Variants in COL5A2 observed in about 807,000 individuals in gnomAD.
The protein encoded by COL5A2 is collagen alpha-2(V) chain.
A neutral mutation model predicts 208.2 loss-of-function variants in COL5A2; 23 were observed. The ratio of observed to expected loss-of-function variants is 0.11; its 90% CI spans 0.08 to 0.16. The LOEUF is 0.16. Ranked by LOEUF, COL5A2 falls within the 10% of genes least tolerant of loss-of-function variation. COL5A2 has a pLI of 1.00. For missense variants in COL5A2, 1,590 were observed against 1,956.4 expected, an observed-to-expected ratio of 0.81 and a Z score of 3.53; for synonymous variants, 625 against 628.5, an observed-to-expected ratio of 0.99 and a Z score of 0.08.
At chr2:189,087,509 G>A (rs1686687893) in intron 8 of COL5A2, among the ~76,000 whole-genome samples, 1 of 151,588 alleles carries the variant, frequency 6.6e-6, no homozygotes, top group African/African-American at 2.4e-5. Flanking sequence ...TGTCACCCAG[G>A]CTGGAGTGCA....
chr2:189,351,959 G>A, the COL5A2 span, among the ~76,000 whole-genome samples: 1 of 149,638 alleles, frequency 6.7e-6, no homozygotes, highest in Non-Finnish European at 1.5e-5. Context: ...CCCTCCCCCA[G>A]CTCCCACCCT....
At chr2:189,275,731 A>C in the COL5A2 span, among the ~76,000 whole-genome samples, 1 of 152,128 alleles carries the variant, frequency 6.6e-6, no homozygotes, top group Non-Finnish European at 1.5e-5. Flanking sequence ...GATTACAGGC[A>C]TGAGCCACTG....
the COL5A2 span, among the ~76,000 whole-genome samples, chr2:189,247,495 A>C: frequency 6.6e-6 from 1 of 151,140 alleles, no homozygotes; most frequent in Non-Finnish European, 1.5e-5. Flanking sequence ...CCCCTGGGGC[A>C]CTCTTATTTG....
At chr2:189,433,140 A>G in the COL5A2 span, among the ~76,000 whole-genome samples, 1 of 152,258 alleles carries the variant, frequency 6.6e-6, no homozygotes. Context: ...CAATGAGAAC[A>G]AAGATAAAAC....
intron 17 of COL5A2, 121 bp from the exon 18 acceptor site, chr2:189,072,214 A>T (rs565826652): frequency 1.4e-6 from 1 of 689,794 alleles, no homozygotes; most frequent in East Asian, 2.7e-5. Context: ...CTTTCACTTT[A>T]AAATTACAAA....
chr2:189,351,469 T>C, the COL5A2 span, among the ~76,000 whole-genome samples: 2 of 152,152 alleles, frequency 1.3e-5, no homozygotes, highest in African/African-American at 4.8e-5. Flanking sequence ...TCTCTAAATA[T>C]ATAATAACAT....
intron 1 of COL5A2, among the ~76,000 whole-genome samples, chr2:189,115,442 G>A (rs181856613): frequency 6.7e-6 from 1 of 150,144 alleles, no homozygotes; most frequent in Non-Finnish European, 1.5e-5. Flanking sequence ...CGGCCATATT[G>A]AAACCTTGGA....
chr2:189,041,494 T>A (rs1685558929), intron 50 of COL5A2, 92 bp downstream of exon 50: 1 of 1,018,862 alleles, frequency 9.8e-7, no homozygotes, highest in African/African-American at 1.6e-5. Context: ...CCCTTAAGTC[T>A]CTTGTCAATC....
At chr2:189,099,544 G>A (rs1298618907) in intron 4 of COL5A2, among the ~76,000 whole-genome samples, 1 of 152,156 alleles carries the variant, frequency 6.6e-6, no homozygotes, top group African/African-American at 2.4e-5. Context: ...AGAATCACTT[G>A]AATCTGGGAG....
intron 1 of COL5A2, among the ~76,000 whole-genome samples, chr2:189,188,481 A>G (rs1473756650): frequency 6.6e-6 from 1 of 152,082 alleles, no homozygotes; most frequent in East Asian, 1.9e-4. Context: ...TCATTCATCC[A>G]TCAGTTATTT....
chr2:189,053,501 T>C (rs771656409), intron 37 of COL5A2, 24 bp from the exon 38 acceptor site: 55 of 1,593,986 alleles, frequency 3.5e-5, no homozygotes, highest in Middle Eastern at 1.7e-4. Context: ...AAGATTACTG[T>C]AGCTTTCACA....
At chr2:189,339,945 A>G in the COL5A2 span, among the ~76,000 whole-genome samples, 1 of 152,224 alleles carries the variant, frequency 6.6e-6, no homozygotes, top group Non-Finnish European at 1.5e-5. Flanking sequence ...AACCATAAAC[A>G]TCAGTTCTAT....
rs1282302758 is a variant in COL5A2, at chr2:189,054,164, C to T, written c.2440G>A (p.Glu814Lys). The change falls in exon 36 of 54, where the codon GAA becomes AAA. Residue 814 changes from glutamate (E) to lysine (K), a missense_variant. Glu to Lys is a moderately conservative substitution (Grantham distance 56). Coordinates refer to ENST00000374866, the MANE Select transcript of COL5A2 (RefSeq NM_000393.5). ...GPPGPAGPTG[E>K]KGEPGPRGLV... ...ATTAACAACTTGTGACTTACCTTTT[C>T]TCCAGTAGGACCTGCCGGACCTGGA... 2 of 1,613,908 alleles carry T rather than the reference C, an allele frequency of 1.2e-6. No individual in the cohort carries two copies. The highest frequency in any genetic ancestry group is 1.7e-6 in the Non-Finnish European group (2 of 1,179,886).
the COL5A2 span, among the ~76,000 whole-genome samples, chr2:189,310,150 A>C: frequency 1.8e-4 from 27 of 152,344 alleles, no homozygotes; most frequent in African/African-American, 5.5e-4. Context: ...ATTTTTTAAA[A>C]TATGTATCAA....
chr2:189,181,760 C>T (rs183348361), upstream of COL5A2, among the ~76,000 whole-genome samples: 1 of 152,304 alleles, frequency 6.6e-6, no homozygotes, highest in African/African-American at 2.4e-5. Flanking sequence ...TCAGTGGCTG[C>T]TCAGATCAGT....
intron 1 of COL5A2, among the ~76,000 whole-genome samples, chr2:189,117,120 GT>G (rs1274173407): frequency 2.0e-5 from 3 of 151,916 alleles, no homozygotes; most frequent in African/African-American, 7.3e-5. Context: ...GTATACTTAA[GT>G]TTTTTTCCAT....
At chr2:189,045,256 A>G in intron 46 of COL5A2, 24 bp from the exon 47 acceptor site, 1 of 1,572,280 alleles carries the variant, frequency 6.4e-7, no homozygotes, top group East Asian at 2.2e-5. Flanking sequence ...ACAACAAAAA[A>G]AATTGGCATG....
the COL5A2 span, among the ~76,000 whole-genome samples, chr2:189,327,657 T>C: frequency 2.6e-5 from 4 of 152,226 alleles, no homozygotes; most frequent in African/African-American, 7.2e-5. Flanking sequence ...TAGGTTGTCA[T>C]ATAACTTGAT....
rs1047544771 is a variant in COL5A2, at chr2:189,032,206, A to T, written c.*1864T>A. 6.6e-6 allele frequency: 1 copy of T among 152,164 alleles called. No homozygotes were observed. The allele number at this position is 152,164 out of a possible 1,614,324, so 9.4% of individuals were successfully genotyped here. On this transcript the variant is annotated 3_prime_UTR_variant, in exon 54 of 54. Coordinates refer to ENST00000374866, the MANE Select transcript of COL5A2 (RefSeq NM_000393.5). Reference sequence around the variant, plus strand: ...CAATTAGGCTAAATTCATATGTGATACACTTTGAGACATATGTTTTATTAT... The same window carrying T: ...CAATTAGGCTAAATTCATATGTGATTCACTTTGAGACATATGTTTTATTAT...
Sources: allele counts gnomAD v4.1 joint callset (sites outside exome capture counted in the v4.1 genomes callset), GRCh38; gene constraint gnomAD v4.1.1; transcripts MANE v1.5; gene names NCBI Gene and HGNC (gene_info 2026-07-23, HGNC 2026-07-21).